CFAP61: variants seen among roughly 807,000 people sequenced by gnomAD.
CFAP61 encodes cilia- and flagella-associated protein 61.
In CFAP61, 107 loss-of-function variants were observed where a neutral mutation model predicts 135.6. The ratio of observed to expected loss-of-function variants is 0.79; its 90% confidence interval spans 0.67 to 0.93. The LOEUF is 0.93. Ranked by LOEUF, CFAP61 falls within the 40% of genes least tolerant of loss-of-function variation. The probability of loss-of-function intolerance (pLI) is 0.00; values close to 1 mark genes in which losing one functional copy is unlikely to be tolerated. For missense variants in CFAP61, 1,507 were observed against 1,556.2 expected, an observed-to-expected ratio of 0.97 and a Z score of 0.53; for synonymous variants, 575 against 578.5, an observed-to-expected ratio of 0.99 and a Z score of 0.09.
chr20:20,067,716 T>A (rs2045391722), intron 2 of CFAP61, among the ~76,000 whole-genome samples: 1 of 145,536 alleles, frequency 6.9e-6, no homozygotes, highest in African/African-American at 2.5e-5. Context: ...ATTTTATATA[T>A]AATATATATT....
intron 25 of CFAP61, among the ~76,000 whole-genome samples, chr20:20,317,353 T>C (rs2057195388): frequency 6.6e-6 from 1 of 152,186 alleles, no homozygotes; most frequent in Non-Finnish European, 1.5e-5. Context: ...CTCCTCTCTC[T>C]GCCCTGGGAT....
chr20:20,305,259 T>A (rs1460896451), intron 25 of CFAP61, among the ~76,000 whole-genome samples: 1 of 152,230 alleles, frequency 6.6e-6, no homozygotes, highest in Non-Finnish European at 1.5e-5. Context: ...CTCCAGAAGT[T>A]CTTCCCTCAG....
chr20:20,333,141 T>A (rs2058060280), intron 25 of CFAP61, among the ~76,000 whole-genome samples: 1 of 152,226 alleles, frequency 6.6e-6, no homozygotes, highest in South Asian at 2.1e-4. Flanking sequence ...AGTTTCTAAT[T>A]CACACCAGAA....
intron 26 of CFAP61, among the ~76,000 whole-genome samples, chr20:20,351,089 A>G (rs918953619): frequency 4.6e-5 from 7 of 152,224 alleles, no homozygotes; most frequent in African/African-American, 1.7e-4. Context: ...TAAACATAGG[A>G]TCAGAATTCC....
intron 19 of CFAP61, among the ~76,000 whole-genome samples, chr20:20,251,332 A>AAC (rs151288479): frequency 0.32 from 47,396 of 149,928 alleles, 7,917 homozygotes; most frequent in Non-Finnish European, 0.38. Context: ...CATACAGATA[A>AAC]ACACACACAC....
At chr20:20,081,419 A>G (rs2046421241) in intron 6 of CFAP61, among the ~76,000 whole-genome samples, 1 of 152,226 alleles carries the variant, frequency 6.6e-6, no homozygotes, top group Admixed American at 6.5e-5. Flanking sequence ...CTTGTATATA[A>G]ATCCAACACT....
At chr20:20,181,578 G>A (rs979666244) in intron 13 of CFAP61, among the ~76,000 whole-genome samples, 41 of 152,014 alleles carry the variant, frequency 2.7e-4, no homozygotes, top group Non-Finnish European at 5.1e-4. Flanking sequence ...ATTTCCTGAG[G>A]ACTAATAGAT....
At chr20:20,222,417 A>G (rs996015386) in intron 17 of CFAP61, among the ~76,000 whole-genome samples, 2 of 152,178 alleles carry the variant, frequency 1.3e-5, no homozygotes, top group African/African-American at 2.4e-5. Flanking sequence ...TGCTCTATCC[A>G]GTGTTAAGAA....
Position 20,360,671 on chromosome 20 carries a change from C to A in CFAP61, c.*261C>A. 1 of 484,276 alleles carries A rather than the reference C, an allele frequency of 2.1e-6. No homozygotes were observed. 30.0% of individuals were successfully genotyped at this position (484,276 alleles called of 1,614,324 possible). On this transcript the variant is annotated 3_prime_UTR_variant, in exon 27 of 27. Transcript: ENST00000245957. ...TCCTGTGCAGAATAATCCATTTCAG[C>A]AATAAAATGAGATCATAGTGTGTAA...
At chr20:20,077,407 C>T (rs2046129947) in intron 6 of CFAP61, among the ~76,000 whole-genome samples, 1 of 152,008 alleles carries the variant, frequency 6.6e-6, no homozygotes, top group Non-Finnish European at 1.5e-5. Flanking sequence ...GAGATAGAAA[C>T]CAAGATCATG....
At chr20:20,233,196 T>C (rs1230929411) in intron 18 of CFAP61, among the ~76,000 whole-genome samples, 1 of 152,178 alleles carries the variant, frequency 6.6e-6, no homozygotes, top group Non-Finnish European at 1.5e-5. Context: ...GCTGGCGGCT[T>C]AATTAGGCTT....
At chr20:20,185,897 C>T (rs1453059878) in intron 13 of CFAP61, among the ~76,000 whole-genome samples, 4 of 152,122 alleles carry the variant, frequency 2.6e-5, no homozygotes, top group Non-Finnish European at 5.9e-5. Context: ...TGATTTTTGC[C>T]TTAAGATCTG....
intron 19 of CFAP61, 88 bp downstream of exon 19, chr20:20,246,303 T>C (rs1190335634): frequency 2.3e-6 from 2 of 881,658 alleles, no homozygotes; most frequent in Non-Finnish European, 3.8e-6. Context: ...AGATTTCAGA[T>C]TGGAAAAGGA....
chr20:20,337,577 GATAGAT>G (rs1350117707), intron 25 of CFAP61, among the ~76,000 whole-genome samples: 7 of 1,984 alleles, frequency 3.5e-3, no homozygotes, highest in Middle Eastern at 0.17. Flanking sequence ...TGGATGGATG[GATAGAT>G]GTGGGTGGAT....
At chr20:20,077,098 G>C (rs1878336499) in intron 6 of CFAP61, among the ~76,000 whole-genome samples, 1 of 152,164 alleles carries the variant, frequency 6.6e-6, no homozygotes, top group African/African-American at 2.4e-5. Context: ...TGAGAAGCGG[G>C]ATGCACAGAC....
chr20:20,183,835 C>A (rs1452577171), intron 13 of CFAP61, among the ~76,000 whole-genome samples: 2 of 152,152 alleles, frequency 1.3e-5, no homozygotes, highest in Admixed American at 6.5e-5. Context: ...TTGTACTGGA[C>A]AGTGTCATTT....
At chr20:20,203,646 A>G (rs1263760589) in intron 17 of CFAP61, among the ~76,000 whole-genome samples, 1 of 152,176 alleles carries the variant, frequency 6.6e-6, no homozygotes, top group Non-Finnish European at 1.5e-5. Context: ...AAAACACTCA[A>G]AATTGGGCTG....
At chr20:20,229,112 C>CACTAA (rs2048946914) in intron 18 of CFAP61, among the ~76,000 whole-genome samples, 1 of 152,198 alleles carries the variant, frequency 6.6e-6, no homozygotes, top group Non-Finnish European at 1.5e-5. Flanking sequence ...CCCCTCAAAG[C>CACTAA]ACTAAACAAG....
At chr20:20,092,841 G>C (rs2047304006) in intron 7 of CFAP61, among the ~76,000 whole-genome samples, 1 of 152,210 alleles carries the variant, frequency 6.6e-6, no homozygotes, top group African/African-American at 2.4e-5. Flanking sequence ...GACAATAGCA[G>C]ATGTTGGCAA....
Sources: allele counts gnomAD v4.1 joint callset (sites outside exome capture counted in the v4.1 genomes callset), GRCh38; gene constraint gnomAD v4.1.1; transcripts MANE v1.5; gene names NCBI Gene and HGNC (gene_info 2026-07-23, HGNC 2026-07-21).